SLC9A1: variants seen among roughly 807,000 people sequenced by gnomAD.
SLC9A1 encodes the protein solute carrier family 9 member A1, also known as sodium/hydrogen exchanger 1.
SLC9A1 carries 22 observed loss-of-function variants against 67.9 expected under a neutral mutation model. The ratio of observed to expected loss-of-function variants is 0.32; its 90% CI spans 0.23 to 0.46. The LOEUF (loss-of-function observed/expected upper bound fraction) is 0.46, where lower values mean the gene tolerates loss of function less well. SLC9A1 is among the 20% of genes least tolerant of loss of function. The probability of loss-of-function intolerance (pLI) is 1.00; values close to 1 mark genes in which losing one functional copy is unlikely to be tolerated. For synonymous variants in SLC9A1, 421 were observed against 471.8 expected (o/e 0.89, Z 1.40); for missense variants, 686 against 1,094.8 (o/e 0.63, Z 5.27).
chr1:27,114,439 T>C lies in SLC9A1; in HGVS notation c.353-153A>G, dbSNP rs1361427316. Among the ~76,000 whole-genome samples the C allele has an allele frequency of 1.3e-5, 2 of 152,152 alleles. No homozygotes were observed. The highest frequency in any genetic ancestry group is 2.9e-5 in the Non-Finnish European group (2 of 68,028). ...CTCTGTTAACTCTCTGAGCCTCCGC[T>C]TCCTCGCCTGTAAAATGGAAGGGAC... On this transcript the variant is annotated intron_variant, in intron 1 of 11. Transcript: ENST00000263980. This position sits in a 1 kb window ranked among gnomAD's most constrained non-coding sequence, Gnocchi z 5.4.
chr1:27,120,674 G>A lies in SLC9A1; in HGVS notation c.353-6388C>T, dbSNP rs547241534. ...AATCACTTGAACCTGTTAGGCAGAGGTTGCAGTGAGCCGAGATCACACCAT... is the reference window on the plus strand; with the variant it reads ...AATCACTTGAACCTGTTAGGCAGAGATTGCAGTGAGCCGAGATCACACCAT... On this transcript the variant is annotated intron_variant, in intron 1 of 11. Transcript: ENST00000263980. Among the ~76,000 whole-genome samples, 218 of 151,750 alleles carry A rather than the reference G, an allele frequency of 1.4e-3. 2 individuals carry two copies. The highest frequency in any genetic ancestry group is 4.9e-3 in the African/African-American group (204 of 41,390).
At chr1:27,132,403 T>A (rs566373152) in intron 1 of SLC9A1, among the ~76,000 whole-genome samples, 1 of 152,256 alleles carries the variant, frequency 6.6e-6, no homozygotes, top group South Asian at 2.1e-4. Flanking sequence ...ATGAGGGGAA[T>A]GGACTATGTG....
intron 1 of SLC9A1, among the ~76,000 whole-genome samples, chr1:27,149,732 A>T (rs182090579): frequency 6.6e-6 from 1 of 152,242 alleles, no homozygotes; most frequent in African/African-American, 2.4e-5. Flanking sequence ...AATGAGGTGC[A>T]TGAACCTCAA....
At position 27,101,419 on chromosome 1, in the gene SLC9A1, T is replaced by C. The variant is rs981063294; in HGVS notation, c.2038-144A>G. The C allele has an allele frequency of 1.5e-6, 1 of 675,104 alleles. No individual in the cohort carries two copies. The highest frequency in any genetic ancestry group is 2.6e-6 in the Non-Finnish European group (1 of 384,184). 41.8% of individuals were successfully genotyped at this position (675,104 alleles called of 1,614,324 possible). On this transcript the variant is annotated intron_variant, in intron 10 of 11. Coordinates refer to ENST00000263980, the MANE Select transcript of SLC9A1 (RefSeq NM_003047.5). This position sits in a 1 kb window ranked among gnomAD's most constrained non-coding sequence, Gnocchi z 4.9. ...CTTGTGCCTGTGTGGGCACCCGTACTGGCCCCTCAGGAGCTCCTAAGGGCT... is the reference window on the plus strand; with the variant it reads ...CTTGTGCCTGTGTGGGCACCCGTACCGGCCCCTCAGGAGCTCCTAAGGGCT...
chr1:27,100,189 T>C lies in SLC9A1; in HGVS notation c.*118A>G. 1 of 689,606 alleles carries C rather than the reference T, an allele frequency of 1.5e-6. No homozygotes were observed. Among genetic ancestry groups the C allele is most frequent in the Non-Finnish European group, 2.3e-6 (1 of 439,498 alleles). The allele number at this position is 689,606 out of a possible 1,614,324, so 42.7% of individuals were successfully genotyped here. A position where few individuals can be genotyped will look rare whatever the true frequency, so the allele number is the denominator to read the frequency against. On this transcript the variant is annotated 3_prime_UTR_variant, in exon 12 of 12. Transcript: ENST00000263980. This position sits in a 1 kb window ranked among gnomAD's most constrained non-coding sequence, Gnocchi z 5.6. ...GTGGGGGCTGTGGGCCCAGCTGCCA[T>C]GCGGTAGGGGGAGGGGCAGGGCCAA...
At chr1:27,151,468 C>T (rs947143170) in intron 1 of SLC9A1, among the ~76,000 whole-genome samples, 19 of 152,146 alleles carry the variant, frequency 1.2e-4, no homozygotes, top group Admixed American at 9.2e-4. Context: ...TCAAGCGATC[C>T]TCCTGCCTTG....
In SLC9A1 at chr1:27,134,862, A is replaced by G. The variant is rs190049523; in HGVS notation, c.352+19121T>C. 1.1e-3 allele frequency among the ~76,000 whole-genome samples: 166 copies of G among 152,164 alleles called. 1 individual carries two copies. Among genetic ancestry groups the G allele is most frequent in the African/African-American group, 3.8e-3 (159 of 41,514 alleles). The stretch of plus-strand genomic sequence containing the variant: ...AATGATTCTCCCACCTTGGCCTCCC[A>G]AGTAGCTGGGACTTCAGGCATGTGC... On this transcript the variant is annotated intron_variant, in intron 1 of 11. Coordinates refer to ENST00000263980, the MANE Select transcript of SLC9A1 (RefSeq NM_003047.5).
At chr1:27,104,401 CGAGA>C (rs1051000244) in intron 5 of SLC9A1, among the ~76,000 whole-genome samples, 2 of 151,098 alleles carry the variant, frequency 1.3e-5, no homozygotes, top group South Asian at 4.2e-4. Flanking sequence ...TTTCTTAACT[CGAGA>C]GAGAGTCTCA....
In SLC9A1 at chr1:27,114,279, A is replaced by G. The variant is rs1478907817; in HGVS notation, c.360T>C (p.His120=). 3 of 1,606,920 alleles carry G rather than the reference A, an allele frequency of 1.9e-6. No homozygotes were observed. Among genetic ancestry groups the G allele is most frequent in the African/African-American group, 1.3e-5 (1 of 74,788 alleles). ...LLACLMKIGF[H]VIPTISSIVP... ...CGATGCTTGAGATAGTGGGGATCAC[A>G]TGGAAACCTGCGGAGGGCGAGAGAA... The change falls in exon 2 of 12, where the codon CAT becomes CAC. Residue 120 remains histidine (H), a synonymous_variant. Transcript: ENST00000263980. This position sits in a 1 kb window ranked among gnomAD's most constrained non-coding sequence, Gnocchi z 5.4.
intron 1 of SLC9A1, among the ~76,000 whole-genome samples, chr1:27,140,014 A>T (rs907156822): frequency 1.3e-5 from 2 of 151,894 alleles, no homozygotes; most frequent in African/African-American, 2.4e-5. Context: ...GCTGGTCTGG[A>T]ACTCCTGACC....
intron 1 of SLC9A1, among the ~76,000 whole-genome samples, chr1:27,151,828 T>C (rs1016220594): frequency 3.9e-5 from 6 of 152,148 alleles, no homozygotes. Flanking sequence ...TTCTCTCCAC[T>C]CATGGCCAGA....
intron 1 of SLC9A1, among the ~76,000 whole-genome samples, chr1:27,128,397 C>G (rs552324656): frequency 6.6e-6 from 1 of 152,300 alleles, no homozygotes; most frequent in East Asian, 1.9e-4. Flanking sequence ...TGGCTCACAC[C>G]TGAATCCCAG....
At position 27,109,736 on chromosome 1, in the gene SLC9A1, G is replaced by C; in HGVS notation, c.855C>G (p.His285Gln). The C allele has an allele frequency of 6.2e-7, 1 of 1,614,106 alleles. No individual in the cohort carries two copies. Among genetic ancestry groups the C allele is most frequent in the Non-Finnish European group, 8.5e-7 (1 of 1,180,008 alleles). The change falls in exon 3 of 12, where the codon CAC becomes CAG. Residue 285 changes from histidine (H) to glutamine (Q), a missense_variant. Coordinates refer to ENST00000263980, the MANE Select transcript of SLC9A1 (RefSeq NM_003047.5). This position sits in a 1 kb window ranked among gnomAD's most constrained non-coding sequence, Gnocchi z 5.5. ...CGAGGAAGATGTCCACGATGCCCAC[G>C]TGTTCGTAGTTGGCAAACTCCTCAA... ...HLFEEFANYEHVGIVDIFLGF... is the reference protein window; with the variant it reads ...HLFEEFANYEQVGIVDIFLGF...
rs1315451356 is a variant in SLC9A1 at position 27,106,035 on chromosome 1, G to T, written c.1335C>A (p.Thr445=). 2 of 1,613,494 alleles carry T rather than the reference G, an allele frequency of 1.2e-6. No homozygotes were observed. Among genetic ancestry groups the T allele is most frequent in the East Asian group, 2.2e-5 (1 of 44,890 alleles). Residue 445 remains threonine, a synonymous_variant, in exon 5 of 12, where the codon ACC becomes ACA. Transcript: ENST00000263980. This position sits in a 1 kb window ranked among gnomAD's most constrained non-coding sequence, Gnocchi z 4.3. The part of the protein sequence containing the change: ...FINKFRIVKL[T]PKDQFIIAYG... ...AGGCGATGATGAACTGGTCCTTGGG[G>T]GTCAGCTTCACGATACGGAACTTGT...
At position 27,137,852 on chromosome 1, in the gene SLC9A1, CCT is replaced by C. The variant is rs541456942; in HGVS notation, c.352+16129_352+16130del. Among the ~76,000 whole-genome samples, 8 of 152,200 alleles carry C rather than the reference CCT, an allele frequency of 5.3e-5. No homozygotes were observed. The highest frequency in any genetic ancestry group is 1.4e-4 in the African/African-American group (6 of 41,442). ...TCAGCCCCTCCCTCCCCAATGTGCC[CCT>C]GACTCCACGCCCACTCTGCTCCAGC... is the stretch of plus-strand genomic sequence containing the variant. On this transcript the variant is annotated intron_variant, in intron 1 of 11. Coordinates refer to ENST00000263980, the MANE Select transcript of SLC9A1 (RefSeq NM_003047.5). The surrounding 1 kb of genome is among the most constrained non-coding windows in gnomAD (Gnocchi z 4.6).
chr1:27,125,646 G>A (rs980079387), intron 1 of SLC9A1, among the ~76,000 whole-genome samples: 1 of 151,436 alleles, frequency 6.6e-6, no homozygotes, highest in Non-Finnish European at 1.5e-5. Flanking sequence ...CCAGGCCGGA[G>A]TGCAGTGGCG....
chr1:27,141,454 T>C lies in SLC9A1; in HGVS notation c.352+12529A>G, dbSNP rs2083452508. On this transcript the variant is annotated intron_variant, in intron 1 of 11. Transcript: ENST00000263980. ...TGAGATTTCATTCAAGTATCTCATCTAAATCCTACATATACTTCAAGGCCT... is the reference window on the plus strand; with the variant it reads ...TGAGATTTCATTCAAGTATCTCATCCAAATCCTACATATACTTCAAGGCCT... 2.0e-5 allele frequency among the ~76,000 whole-genome samples: 3 copies of C among 152,232 alleles called. No individual in the cohort carries two copies. The South Asian group carries it at 6.2e-4, about 32-fold the overall frequency.
rs1255632934 is a variant in SLC9A1, at chr1:27,109,200, A to G, written c.1064+327T>C. 6.6e-6 allele frequency among the ~76,000 whole-genome samples: 1 copy of G among 152,108 alleles called. No homozygotes were observed. The highest frequency in any genetic ancestry group is 2.4e-5 in the African/African-American group (1 of 41,418). ...TGTGGCTTTCCTCAACCTGAAGCTT[A>G]GTGGCTTCCAAGGCTCTGCTCTCCT... On this transcript the variant is annotated intron_variant, in intron 3 of 11. Coordinates refer to ENST00000263980, the MANE Select transcript of SLC9A1 (RefSeq NM_003047.5). The surrounding 1 kb of genome is among the most constrained non-coding windows in gnomAD (Gnocchi z 5.5).
intron 1 of SLC9A1, among the ~76,000 whole-genome samples, chr1:27,143,932 T>C (rs1388475854): frequency 6.6e-6 from 1 of 152,254 alleles, no homozygotes; most frequent in East Asian, 1.9e-4. Flanking sequence ...CTGGAATGTA[T>C]GACAGTGGGG....
Sources: allele counts gnomAD v4.1 joint callset (sites outside exome capture counted in the v4.1 genomes callset), GRCh38; gene constraint gnomAD v4.1.1; non-coding constraint Gnocchi (gnomAD v3.1); transcripts MANE v1.5; gene names NCBI Gene and HGNC (gene_info 2026-07-23, HGNC 2026-07-21).